IL1RAPL1: variants seen among roughly 807,000 people sequenced by gnomAD.
The protein encoded by IL1RAPL1 is interleukin 1 receptor accessory protein like 1.
A neutral mutation model predicts 48.4 loss-of-function variants in IL1RAPL1; 3 were observed. That is an observed-to-expected ratio of 0.06 (90% CI 0.03 to 0.16). IL1RAPL1 has a LOEUF of 0.16. IL1RAPL1 is among the 10% of genes least tolerant of loss of function. The pLI is 1.00. For missense variants in IL1RAPL1, 349 were observed against 530.6 expected, an observed-to-expected ratio of 0.66 and a Z score of 3.36; for synonymous variants, 185 against 187.7, an observed-to-expected ratio of 0.99 and a Z score of 0.12.
intron 2 of IL1RAPL1, among the ~76,000 whole-genome samples, chrX:28,840,422 G>GGTGC (rs1261566061): frequency 9.1e-6 from 1 of 110,070 alleles, no homozygotes; most frequent in Admixed American, 9.7e-5. Context: ...GTCCATAGTA[G>GGTGC]GTGCATATAT....
In IL1RAPL1 at chrX:29,223,750, G is replaced by A. The variant is rs1442862776; in HGVS notation, c.83-59188G>A. Among the ~76,000 whole-genome samples the A allele has an allele frequency of 2.7e-5, 3 of 109,261 alleles. No individual in the cohort carries two copies. The East Asian group carries it at 8.6e-4, about 31-fold the overall frequency. 94.9% of individuals were successfully genotyped at this position (109,261 alleles called of 115,157 possible). A position where few individuals can be genotyped will look rare whatever the true frequency, so the allele number is the denominator to read the frequency against. On this transcript the variant is annotated intron_variant, in intron 2 of 10. Transcript: ENST00000378993. ...AGTAGAGATGGGGTTTCATCATGTT[G>A]GTCAGGCTGGTCTCGATCTCCTGAC...
rs1333741458 is a variant in IL1RAPL1, at chrX:29,941,634, T to C, written c.1058-17T>C. ...GTGAATACCATATAATTCCCCATTG[T>C]GGTTTTTTCTTTCTAGAGCTAATGT... On this transcript the variant is annotated splice_polypyrimidine_tract_variant and intron_variant, in intron 8 of 10. Coordinates refer to ENST00000378993, the MANE Select transcript of IL1RAPL1 (RefSeq NM_014271.4). The C allele has an allele frequency of 1.7e-6, 2 of 1,204,740 alleles. No individual in the cohort carries two copies. Among genetic ancestry groups the C allele is most frequent in the Non-Finnish European group, 2.2e-6 (2 of 889,043 alleles).
intron 5 of IL1RAPL1, among the ~76,000 whole-genome samples, chrX:29,505,466 G>C (rs1192923363): frequency 1.8e-5 from 2 of 110,582 alleles, no homozygotes; most frequent in Non-Finnish European, 3.8e-5. Context: ...TTGTTTTTCT[G>C]GGAAAAACAT....
intron 5 of IL1RAPL1, among the ~76,000 whole-genome samples, chrX:29,633,312 T>G (rs1276498730): frequency 9.0e-6 from 1 of 111,413 alleles, no homozygotes; most frequent in Non-Finnish European, 1.9e-5. Flanking sequence ...TAATCAATAT[T>G]ATTAGAAATC....
chrX:29,287,923 A>T (rs941925881), intron 3 of IL1RAPL1, among the ~76,000 whole-genome samples: 3 of 111,376 alleles, frequency 2.7e-5, no homozygotes, highest in African/African-American at 9.8e-5. Flanking sequence ...TCAATTTGTG[A>T]ATTTTTCCAG....
intron 5 of IL1RAPL1, among the ~76,000 whole-genome samples, chrX:29,430,583 A>G (rs201930674): frequency 7.9e-5 from 2 of 25,465 alleles, no homozygotes; most frequent in African/African-American, 6.4e-4. Flanking sequence ...ATATATGTGT[A>G]TATATATATA....
intron 3 of IL1RAPL1, among the ~76,000 whole-genome samples, chrX:29,315,618 A>G (rs932076249): frequency 1.2e-4 from 13 of 111,885 alleles, no homozygotes; most frequent in Non-Finnish European, 1.9e-4. Flanking sequence ...CAGTAGTTAG[A>G]AGCCCAAAAT....
chrX:28,915,352 A>G (rs981152978), intron 2 of IL1RAPL1, among the ~76,000 whole-genome samples: 14 of 111,634 alleles, frequency 1.3e-4, no homozygotes, highest in African/African-American at 3.6e-4. Context: ...TGTTTTAAGA[A>G]GAGTTAGGGA....
At chrX:29,952,557 G>A (rs997996848) in intron 9 of IL1RAPL1, among the ~76,000 whole-genome samples, 9 of 111,951 alleles carry the variant, frequency 8.0e-5, no homozygotes, top group Non-Finnish European at 1.3e-4. Flanking sequence ...ATTATTAACC[G>A]ATATTATGTA....
At chrX:29,873,466 T>A (rs1931841733) in intron 6 of IL1RAPL1, among the ~76,000 whole-genome samples, 1 of 108,173 alleles carries the variant, frequency 9.2e-6, no homozygotes, top group South Asian at 4.2e-4. Context: ...GGCTCTGCCC[T>A]CATGAATGGG....
intron 2 of IL1RAPL1, among the ~76,000 whole-genome samples, chrX:29,009,947 G>A (rs1926084142): frequency 9.0e-6 from 1 of 111,628 alleles, no homozygotes; most frequent in South Asian, 3.7e-4. Flanking sequence ...GTGTTTTGTA[G>A]TTCTCCTTGT....
intron 5 of IL1RAPL1, among the ~76,000 whole-genome samples, chrX:29,567,281 C>T (rs1001184454): frequency 1.8e-5 from 2 of 109,226 alleles, no homozygotes; most frequent in African/African-American, 6.6e-5. Context: ...TGCCAGAAAA[C>T]AACTGAGGAT....
rs764940120 is a variant in IL1RAPL1 at position 29,693,633 on chromosome X, G to A, written c.778+25129G>A. 4.0e-3 allele frequency among the ~76,000 whole-genome samples: 449 copies of A among 111,875 alleles called. 1 individual carries two copies. Among genetic ancestry groups the A allele is most frequent in the African/African-American group, 0.014 (427 of 30,792 alleles). On this transcript the variant is annotated intron_variant, in intron 6 of 10. Transcript: ENST00000378993. ...GCAATAATTGCAATACTCTCTATAA[G>A]CTAAACTGACATAACTCTAAATGAA... is the stretch of plus-strand genomic sequence containing the variant.
intron 3 of IL1RAPL1, among the ~76,000 whole-genome samples, chrX:29,383,712 C>G: frequency 9.0e-6 from 1 of 111,658 alleles, no homozygotes; most frequent in Non-Finnish European, 1.9e-5. Flanking sequence ...CAAGAAATCT[C>G]TAAAAATTAC....
At chrX:29,095,694 T>C (rs1194917083) in intron 2 of IL1RAPL1, among the ~76,000 whole-genome samples, 9 of 111,278 alleles carry the variant, frequency 8.1e-5, no homozygotes, top group Non-Finnish European at 1.3e-4. Context: ...GGAATAATGG[T>C]ACCTTTTCAA....
intron 2 of IL1RAPL1, among the ~76,000 whole-genome samples, chrX:29,282,308 G>C (rs750283049): frequency 4.5e-5 from 5 of 112,316 alleles, no homozygotes; most frequent in African/African-American, 1.6e-4. Context: ...TATTGGGAAG[G>C]TACAACCATA....
intron 5 of IL1RAPL1, among the ~76,000 whole-genome samples, chrX:29,418,119 ATATATATT>A (rs1226512914): frequency 2.8e-3 from 85 of 30,887 alleles, no homozygotes; most frequent in African/African-American, 0.011. Flanking sequence ...ATATATATAT[ATATATATT>A]TTTTTTTTTT....
rs1281143684 is a variant in IL1RAPL1 at position 29,099,851 on chromosome X, TATTATTA to T, written c.83-183077_83-183071del. ...AGACCTTCAAAACATTGCAATTATATATTATTAATTATTAATAGCTTTTATTTGGTAA... is the reference window on the plus strand; with the variant it reads ...AGACCTTCAAAACATTGCAATTATATATTATTAATAGCTTTTATTTGGTAA... On this transcript the variant is annotated intron_variant, in intron 2 of 10. Coordinates refer to ENST00000378993, the MANE Select transcript of IL1RAPL1 (RefSeq NM_014271.4). Among the ~76,000 whole-genome samples, 3 of 111,806 alleles carry T rather than the reference TATTATTA, an allele frequency of 2.7e-5. No individual in the cohort carries two copies. In the East Asian group the frequency reaches 8.4e-4, roughly 31 times the overall value.
chrX:29,122,709 C>T lies in IL1RAPL1; in HGVS notation c.83-160229C>T, dbSNP rs1473246032. On this transcript the variant is annotated intron_variant, in intron 2 of 10. Coordinates refer to ENST00000378993, the MANE Select transcript of IL1RAPL1 (RefSeq NM_014271.4). ...TGTGTTAAGATTAAGTTAAACATGT[C>T]GTTGAATCACTGTAAGAGACTGCTG... Among the ~76,000 whole-genome samples the T allele has an allele frequency of 6.3e-5, 7 of 110,796 alleles. No homozygotes were observed. The South Asian group carries it at 1.1e-3, about 18-fold the overall frequency.
Sources: gnomAD v4.1 joint callset for allele counts (sites outside exome capture counted in the v4.1 genomes callset) on GRCh38, gnomAD v4.1.1 for gene constraint, MANE v1.5 for transcripts, NCBI Gene and HGNC (gene_info 2026-07-23, HGNC 2026-07-21) for gene names.